The following SLC45A4 variants were observed in gnomAD, a reference collection of about 807,000 sequenced individuals.
SLC45A4 encodes the protein solute carrier family 45 member 4, also known as polyamine-transporter SLC45A4.
A neutral mutation model predicts 63.7 loss-of-function variants in SLC45A4; 32 were observed. The ratio of observed to expected loss-of-function variants is 0.50; its 90% CI spans 0.38 to 0.67. The LOEUF (loss-of-function observed/expected upper bound fraction) is 0.67, where lower values mean the gene tolerates loss of function less well. Among genes scored for constraint, SLC45A4 ranks in the 30% least tolerant of loss-of-function variants. SLC45A4 has a pLI of 0.00. For missense variants in SLC45A4, 1,027 were observed against 1,157.7 expected, an observed-to-expected ratio of 0.89 and a Z score of 1.64; for synonymous variants, 535 against 510.0, an observed-to-expected ratio of 1.05 and a Z score of -0.66.
rs929952417 is a variant in SLC45A4 at position 141,207,894 on chromosome 8, C to G, written c.*3678G>C. 6.6e-6 allele frequency: 1 copy of G among 152,328 alleles called. No homozygotes were observed. The highest frequency in any genetic ancestry group is 2.4e-5 in the African/African-American group (1 of 41,456). 9.4% of individuals were successfully genotyped at this position (152,328 alleles called of 1,614,324 possible). On this transcript the variant is annotated 3_prime_UTR_variant, in exon 9 of 9. Transcript: ENST00000517878. ...GGGCCTTGTTCAACTCGGAACTGAACTGACACCTCTCCCAGGTGGTGAAGG... is the reference window on the plus strand; with the variant it reads ...GGGCCTTGTTCAACTCGGAACTGAAGTGACACCTCTCCCAGGTGGTGAAGG...
chr8:141,228,688 G>A, intron 2 of SLC45A4: 2 of 942,610 alleles, frequency 2.1e-6, no homozygotes, highest in Non-Finnish European at 1.3e-6. Context: ...CCTTTGGCCT[G>A]AGATTCCGGA....
Position 141,273,136 on chromosome 8 carries a change from G to A in SLC45A4, c.-400-18507C>T, listed in dbSNP as rs142652166. Among the ~76,000 whole-genome samples, 538 of 152,272 alleles carry A rather than the reference G, an allele frequency of 3.5e-3. 2 individuals are homozygous for A. Among genetic ancestry groups the A allele is most frequent in the African/African-American group, 0.012 (493 of 41,542 alleles). ...CTGCCCCCAAAAGAAAATATTCTCC[G>A]CGCCACTGAGCTTCTGTTAGAACAT... On this transcript the variant is annotated intron_variant, in intron 1 of 8. Transcript: ENST00000517878.
chr8:141,235,079 G>A (rs1484339722), intron 2 of SLC45A4, among the ~76,000 whole-genome samples: 1 of 152,174 alleles, frequency 6.6e-6, no homozygotes, highest in Admixed American at 6.5e-5. Flanking sequence ...TGAAGGTGCA[G>A]GTGACCACGC....
rs760647905 is a variant in SLC45A4, at chr8:141,212,420, C to T, written c.2078G>A (p.Arg693His). 3.3e-5 allele frequency: 53 copies of T among 1,613,616 alleles called. No homozygotes were observed. The highest frequency in any genetic ancestry group is 4.1e-5 in the Non-Finnish European group (48 of 1,180,032). ...GGVVDAVGTV[R>H]VIPMVASVGS... Reference sequence around the variant, plus strand: ...CACAGAGGCCACCATGGGGATGACGCGGACAGTCCCCACGGCGTCGACCAC... The same window carrying T: ...CACAGAGGCCACCATGGGGATGACGTGGACAGTCCCCACGGCGTCGACCAC... Residue 693 changes from arginine to histidine, a missense_variant, in exon 8 of 9, where the codon CGC (arginine) becomes CAC (histidine). Transcript: ENST00000517878.
chr8:141,214,995 G>A (rs12677724), intron 7 of SLC45A4, among the ~76,000 whole-genome samples: 15,314 of 152,260 alleles, frequency 0.1, 848 homozygotes, highest in East Asian at 0.25. Context: ...TACCTGTGAC[G>A]GCCCCAACCT....
chr8:141,264,920 C>A (rs527810976), intron 1 of SLC45A4, among the ~76,000 whole-genome samples: 22 of 152,206 alleles, frequency 1.4e-4, no homozygotes, highest in Non-Finnish European at 2.8e-4. Flanking sequence ...AAATTCCTAT[C>A]AAGACAGAAC....
intron 1 of SLC45A4, among the ~76,000 whole-genome samples, chr8:141,288,439 C>A (rs978086374): frequency 1.3e-5 from 2 of 152,232 alleles, no homozygotes; most frequent in African/African-American, 4.8e-5. Context: ...TGACCCACCA[C>A]GGGACAAGGC....
At chr8:141,304,573 AG>A (rs376314641) in intron 1 of SLC45A4, among the ~76,000 whole-genome samples, 1 of 128,938 alleles carries the variant, frequency 7.8e-6, no homozygotes, top group East Asian at 2.2e-4. Flanking sequence ...AAAAAAAAAA[AG>A]GGGGGGAGAG....
rs989748976 is a variant in SLC45A4 at position 141,254,258 on chromosome 8, T to A, written c.-29A>T. On this transcript the variant is annotated 5_prime_UTR_variant, in exon 2 of 9. Transcript: ENST00000517878. This position sits in a 1 kb window ranked among gnomAD's most constrained non-coding sequence, Gnocchi z 4.5. ...CACCAAAAATATATGTATTTATCTA[T>A]ATATTCTATCTATATAAATAATGCT... 2 of 1,494,038 alleles carry A rather than the reference T, an allele frequency of 1.3e-6. No homozygotes were observed. The highest frequency in any genetic ancestry group is 1.8e-6 in the Non-Finnish European group (2 of 1,125,012). 92.5% of individuals were successfully genotyped at this position (1,494,038 alleles called of 1,614,324 possible). A position where few individuals can be genotyped will look rare whatever the true frequency, so the allele number is the denominator to read the frequency against.
intron 2 of SLC45A4, among the ~76,000 whole-genome samples, chr8:141,237,805 C>T (rs1276319888): frequency 6.6e-6 from 1 of 152,172 alleles, no homozygotes. Context: ...AGCTGGAGGC[C>T]TCAGGCTGCC....
intron 1 of SLC45A4, among the ~76,000 whole-genome samples, chr8:141,269,466 G>C (rs1387384763): frequency 1.3e-4 from 7 of 53,522 alleles, no homozygotes; most frequent in African/African-American, 4.8e-4. Context: ...CTATGTGTCT[G>C]TGTGTGTGTG....
intron 1 of SLC45A4, among the ~76,000 whole-genome samples, chr8:141,297,946 A>C (rs377340276): frequency 1.4e-4 from 20 of 145,488 alleles, no homozygotes; most frequent in African/African-American, 3.0e-4. Context: ...AAAAAAAAAA[A>C]CAAAAAACCT....
At chr8:141,259,512 T>G (rs989684808) in intron 1 of SLC45A4, among the ~76,000 whole-genome samples, 3 of 152,118 alleles carry the variant, frequency 2.0e-5, no homozygotes, top group African/African-American at 7.2e-5. Flanking sequence ...GCATCTCCCT[T>G]GCCCTTCCCA....
chr8:141,217,952 T>C, intron 5 of SLC45A4, 59 bp downstream of exon 5: 1 of 1,516,510 alleles, frequency 6.6e-7, no homozygotes, highest in Non-Finnish European at 8.9e-7. Flanking sequence ...CCCGTGAGCT[T>C]CTCCGTGAGC....
intron 1 of SLC45A4, among the ~76,000 whole-genome samples, chr8:141,301,884 C>G (rs866079222): frequency 1.3e-5 from 2 of 151,924 alleles, no homozygotes; most frequent in South Asian, 4.1e-4. Flanking sequence ...ATTGCATAGA[C>G]CTAGGTGGTC....
At chr8:141,241,923 T>C (rs538954693) in intron 2 of SLC45A4, among the ~76,000 whole-genome samples, 3 of 152,334 alleles carry the variant, frequency 2.0e-5, no homozygotes, top group Non-Finnish European at 2.9e-5. Flanking sequence ...AGATGGCAGC[T>C]GTGAAGGCAT....
chr8:141,269,557 T>C (rs1829430647), intron 1 of SLC45A4, among the ~76,000 whole-genome samples: 1 of 151,614 alleles, frequency 6.6e-6, no homozygotes, highest in Non-Finnish European at 1.5e-5. Flanking sequence ...GGTGTGTCTG[T>C]GTGTCAATGT....
intron 1 of SLC45A4, among the ~76,000 whole-genome samples, chr8:141,259,952 C>A (rs113293534): frequency 6.6e-6 from 1 of 152,212 alleles, no homozygotes; most frequent in South Asian, 2.1e-4. Flanking sequence ...TTCCCCACCC[C>A]ACCAGCTATG....
intron 6 of SLC45A4, 138 bp downstream of exon 6, chr8:141,216,952 G>A: frequency 7.8e-6 from 6 of 773,104 alleles, no homozygotes; most frequent in Non-Finnish European, 1.0e-5. Flanking sequence ...CTCCCCAAGG[G>A]GTGGCCCTGT....
Sources: allele counts gnomAD v4.1 joint callset (sites outside exome capture counted in the v4.1 genomes callset), GRCh38; gene constraint gnomAD v4.1.1; non-coding constraint Gnocchi (gnomAD v3.1); transcripts MANE v1.5; gene names NCBI Gene and HGNC (gene_info 2026-07-23, HGNC 2026-07-21).